Variants in EGF observed in about 807,000 individuals in gnomAD.
EGF encodes pro-epidermal growth factor.
EGF carries 95 observed loss-of-function variants against 143.8 expected under a neutral mutation model. The ratio of observed to expected loss-of-function variants is 0.66; its 90% CI spans 0.56 to 0.78. The LOEUF is 0.78. Among genes scored for constraint, EGF ranks in the 30% least tolerant of loss-of-function variants. The pLI is 0.00. For missense variants in EGF, 1,320 were observed against 1,470.9 expected (o/e 0.90, Z 1.68); for synonymous variants, 510 against 510.5 (o/e 1.00, Z 0.01).
At position 109,932,324 on chromosome 4, in the gene EGF, CT is replaced by C. The variant is rs67237211; in HGVS notation, c.128-8609del. ...AATGTTTAAAGAGCCTTTTCTTTCT[CT>C]TTTTTTTTTTTTACATGAAAACCTC... On this transcript the variant is annotated intron_variant, in intron 1 of 23. Transcript: ENST00000265171. 4.8e-3 allele frequency among the ~76,000 whole-genome samples: 524 copies of C among 108,622 alleles called. 5 individuals are homozygous for C. Among genetic ancestry groups the C allele is most frequent in the African/African-American group, 8.7e-3 (259 of 29,668 alleles). The allele number at this position is 108,622 out of a possible 152,430, so 71.3% of individuals were successfully genotyped here. A position where few individuals can be genotyped will look rare whatever the true frequency, so the allele number is the denominator to read the frequency against.
rs1754147450 is a variant in EGF at position 110,013,277 on chromosome 4, AC to A, written c.*1824del. On this transcript the variant is annotated 3_prime_UTR_variant, in exon 24 of 24. Coordinates refer to ENST00000265171, the MANE Select transcript of EGF (RefSeq NM_001963.6). Reference sequence around the variant, plus strand: ...TTAGATTAAATTTTTGTATTTTAGCACCTTTTTCTTTTAGGGGTTCAATGAT... The same window carrying A: ...TTAGATTAAATTTTTGTATTTTAGCACTTTTTCTTTTAGGGGTTCAATGAT... Among the ~76,000 whole-genome samples the A allele has an allele frequency of 6.6e-6, 1 of 152,088 alleles. No homozygotes were observed. The highest frequency in any genetic ancestry group is 1.5e-5 in the Non-Finnish European group (1 of 68,008).
chr4:109,923,658 T>C (rs1003777839), intron 1 of EGF, among the ~76,000 whole-genome samples: 1 of 151,592 alleles, frequency 6.6e-6, no homozygotes, highest in Non-Finnish European at 1.5e-5. Flanking sequence ...CTCACTCTTG[T>C]CACCCAGGCT....
rs11569150 is a variant in EGF at position 110,012,721 on chromosome 4, T to A, written c.*1266T>A. 7.2e-3 allele frequency among the ~76,000 whole-genome samples: 1,096 copies of A among 152,248 alleles called. 20 individuals are homozygous for A. The highest frequency in any genetic ancestry group is 0.025 in the African/African-American group (1,037 of 41,548). ...CCATGGTGCCCAGCCTTGTAACTTT[T>A]AAAAAAATTTTTTAATCTACAACTC... On this transcript the variant is annotated 3_prime_UTR_variant, in exon 24 of 24. Transcript: ENST00000265171.
At chr4:110,003,499 G>C (rs1752843486) in intron 21 of EGF, among the ~76,000 whole-genome samples, 1 of 152,148 alleles carries the variant, frequency 6.6e-6, no homozygotes, top group South Asian at 2.1e-4. Flanking sequence ...TGTGATGCCA[G>C]ATTCACAGCA....
In EGF at chr4:109,944,936, T is replaced by C. The variant is rs180961200; in HGVS notation, c.738-137T>C. ...AAATAAAATTTTAAACTTAATATAC[T>C]TTTCTAAACATAAATGAGAAACAAT... On this transcript the variant is annotated intron_variant, in intron 4 of 23. Transcript: ENST00000265171. 134 of 925,370 alleles carry C rather than the reference T, an allele frequency of 1.4e-4. 2 individuals carry two copies. Among genetic ancestry groups the C allele is most frequent in the Non-Finnish European group, 6.6e-6 (4 of 602,748 alleles). 57.3% of individuals were successfully genotyped at this position (925,370 alleles called of 1,614,324 possible).
rs11569041 is a variant in EGF at position 109,987,433 on chromosome 4, A to G, written c.2492-311A>G. On this transcript the variant is annotated intron_variant, in intron 16 of 23. Transcript: ENST00000265171. ...CTCAGCCCCCCAAGTAGCTGGGACT[A>G]TACACCAGTTTTCAGTAGAGACAGA... 0.03 allele frequency among the ~76,000 whole-genome samples: 4,550 copies of G among 152,080 alleles called. 218 individuals carry two copies. Among genetic ancestry groups the G allele is most frequent in the African/African-American group, 0.1 (4,222 of 41,460 alleles).
intron 1 of EGF, among the ~76,000 whole-genome samples, chr4:109,927,772 T>C (rs1486194516): frequency 1.4e-5 from 2 of 148,118 alleles, no homozygotes; most frequent in African/African-American, 2.5e-5. Context: ...CAAAACTCAG[T>C]AGACAGATCA....
chr4:109,980,499 T>C (rs1483311800), intron 14 of EGF: 14 of 464,546 alleles, frequency 3.0e-5, no homozygotes, highest in Non-Finnish European at 1.6e-5. Context: ...TCACATTTTA[T>C]AGTAGCTCTT....
chr4:109,974,580 G>T (rs909001360), intron 11 of EGF, 123 bp from the exon 12 acceptor site: 31 of 731,464 alleles, frequency 4.2e-5, no homozygotes, highest in Non-Finnish European at 6.2e-5. Flanking sequence ...TAGGGAGAGA[G>T]AAACAGAAAT....
At chr4:109,993,891 C>A (rs1017497959) in intron 19 of EGF, among the ~76,000 whole-genome samples, 3 of 152,144 alleles carry the variant, frequency 2.0e-5, no homozygotes, top group Non-Finnish European at 4.4e-5. Flanking sequence ...TCACCATCAG[C>A]ACCCCAGAAG....
At chr4:109,945,876 A>G (rs1396939435) in intron 5 of EGF, among the ~76,000 whole-genome samples, 3 of 152,240 alleles carry the variant, frequency 2.0e-5, no homozygotes, top group African/African-American at 7.2e-5. Flanking sequence ...GTAAGGATCT[A>G]AAGTTGTCTT....
intron 16 of EGF, among the ~76,000 whole-genome samples, chr4:109,983,753 A>G (rs1034093274): frequency 6.6e-6 from 1 of 152,238 alleles, no homozygotes; most frequent in African/African-American, 2.4e-5. Flanking sequence ...ACACCTTGAG[A>G]GTCTTTGGGT....
At chr4:109,961,458 T>G (rs914806934) in intron 7 of EGF, among the ~76,000 whole-genome samples, 15 of 152,236 alleles carry the variant, frequency 9.9e-5, no homozygotes, top group African/African-American at 3.6e-4. Context: ...CTATGTATTA[T>G]AGGTATTTTC....
chr4:110,010,414 T>TAAAA (rs11569140), intron 23 of EGF, among the ~76,000 whole-genome samples: 1 of 151,916 alleles, frequency 6.6e-6, no homozygotes, highest in Non-Finnish European at 1.5e-5. Flanking sequence ...GTAATTTTTT[T>TAAAA]AAAAAAATTT....
At chr4:109,939,663 G>C (rs1426974900) in intron 1 of EGF, among the ~76,000 whole-genome samples, 1 of 152,148 alleles carries the variant, frequency 6.6e-6, no homozygotes, top group East Asian at 1.9e-4. Context: ...TTCCTATTCG[G>C]CCATCTTGGA....
intron 1 of EGF, among the ~76,000 whole-genome samples, chr4:109,917,317 T>C (rs1387011496): frequency 6.6e-6 from 1 of 152,224 alleles, no homozygotes; most frequent in African/African-American, 2.4e-5. Flanking sequence ...AAGTTGCTTG[T>C]GTTCATGGTA....
At position 110,011,423 on chromosome 4, in the gene EGF, G is replaced by A. The variant is rs944000240; in HGVS notation, c.3592G>A (p.Asp1198Asn). The change falls in exon 24 of 24, where the codon GAC becomes AAC. Residue 1198 changes from aspartate (D) to asparagine (N), a missense_variant. This residue lies in a region of EGF where 1,186 missense variants were observed against 1,313.7 expected (regional missense o/e 0.90). Transcript: ENST00000265171. ...ANPLWQQRAL[D>N]PPHQMELTQ ...CCCATTATGGCAACAAAGGGCCCTG[G>A]ACCCACCACACCAAATGGAGCTGAC... 2.5e-6 allele frequency: 4 copies of A among 1,614,040 alleles called. No homozygotes were observed. The African/African-American group carries it at 4.0e-5, about 16-fold the overall frequency.
intron 14 of EGF, 131 bp from the exon 15 acceptor site, chr4:109,980,695 C>T (rs1749218516): frequency 1.0e-6 from 1 of 978,054 alleles, no homozygotes; most frequent in Non-Finnish European, 1.6e-6. Flanking sequence ...TATTGATATA[C>T]CCTCTATTTA....
chr4:109,932,360 C>CATATATATATATATATATACATATATAT (rs57424246), intron 1 of EGF, among the ~76,000 whole-genome samples: 3 of 87,050 alleles, frequency 3.4e-5, no homozygotes. Context: ...CCCATTTAGT[C>CATATATATATATATATATACATATATAT]ATATATATAT....
Sources: allele counts gnomAD v4.1 joint callset (sites outside exome capture counted in the v4.1 genomes callset), GRCh38; gene constraint gnomAD v4.1.1; regional missense constraint gnomAD v4.1.1; transcripts MANE v1.5; gene names NCBI Gene and HGNC (gene_info 2026-07-23, HGNC 2026-07-21).